HECTD2: variants seen among roughly 807,000 people sequenced by gnomAD.
The protein encoded by HECTD2 is probable E3 ubiquitin-protein ligase HECTD2.
A neutral mutation model predicts 103.2 loss-of-function variants in HECTD2; 35 were observed. The ratio of observed to expected loss-of-function variants is 0.34; its 90% CI spans 0.26 to 0.45. The LOEUF (loss-of-function observed/expected upper bound fraction) is 0.45, where lower values mean the gene tolerates loss of function less well. Ranked by LOEUF, HECTD2 falls within the 20% of genes least tolerant of loss-of-function variation. The pLI is 1.00. For missense variants in HECTD2, 596 were observed against 937.4 expected (o/e 0.64, Z 4.76); for synonymous variants, 281 against 329.9 (o/e 0.85, Z 1.61).
intron 1 of HECTD2, among the ~76,000 whole-genome samples, chr10:91,412,270 G>A (rs1040238682): frequency 1.6e-4 from 24 of 152,282 alleles, no homozygotes; most frequent in Non-Finnish European, 7.4e-5. Context: ...CACCAAATGA[G>A]TTGCAAAGAC....
At chr10:91,431,283 C>A (rs1350161659) in intron 2 of HECTD2, among the ~76,000 whole-genome samples, 1 of 151,792 alleles carries the variant, frequency 6.6e-6, no homozygotes, top group East Asian at 1.9e-4. Context: ...TTGTGGGTAA[C>A]CCAACCTTTC....
intron 5 of HECTD2, chr10:91,462,615 T>G: frequency 3.9e-6 from 4 of 1,028,526 alleles, no homozygotes; most frequent in Non-Finnish European, 4.7e-6. Flanking sequence ...GTTCCCAGGA[T>G]ATGTTGATTT....
chr10:91,418,282 T>G (rs902726210), intron 1 of HECTD2, among the ~76,000 whole-genome samples: 1 of 152,232 alleles, frequency 6.6e-6, no homozygotes, highest in African/African-American at 2.4e-5. Context: ...CCATAATGTA[T>G]TCATGTATTT....
intron 2 of HECTD2, among the ~76,000 whole-genome samples, chr10:91,451,994 ACAAT>A (rs1295738986): frequency 6.6e-6 from 1 of 152,174 alleles, no homozygotes; most frequent in Non-Finnish European, 1.5e-5. Context: ...AGAAAATACA[ACAAT>A]CAAAGTAAAA....
Position 91,469,418 on chromosome 10 carries a change from C to A in HECTD2, c.600+7234C>A, listed in dbSNP as rs115605753. 9.1e-3 allele frequency among the ~76,000 whole-genome samples: 1,382 copies of A among 152,306 alleles called. 24 individuals carry two copies. The highest frequency in any genetic ancestry group is 0.032 in the African/African-American group (1,327 of 41,562). On this transcript the variant is annotated intron_variant, in intron 5 of 20. Coordinates refer to ENST00000298068, the MANE Select transcript of HECTD2 (RefSeq NM_182765.6). ...AACAGCAGACCTTTGAGCAGAAACC[C>A]TTCAAGACAGAAGAGATTGGGAGCC...
chr10:91,440,538 C>CT (rs1438602463), intron 2 of HECTD2, among the ~76,000 whole-genome samples: 4 of 149,896 alleles, frequency 2.7e-5, no homozygotes, highest in East Asian at 3.9e-4. Flanking sequence ...CTGAAATTTT[C>CT]TTTTTTTGTT....
intron 20 of HECTD2, among the ~76,000 whole-genome samples, chr10:91,505,620 A>C (rs1439203584): frequency 2.7e-5 from 4 of 150,568 alleles, no homozygotes; most frequent in Non-Finnish European, 4.5e-5. Flanking sequence ...CAGATTCATA[A>C]AGCAAGTCCT....
intron 1 of HECTD2, among the ~76,000 whole-genome samples, chr10:91,415,025 C>T (rs1232131883): frequency 6.6e-6 from 1 of 152,130 alleles, no homozygotes; most frequent in African/African-American, 2.4e-5. Context: ...ATGCCTGAGG[C>T]AATGAGTGCA....
intron 20 of HECTD2, among the ~76,000 whole-genome samples, chr10:91,501,753 C>T (rs1846908519): frequency 6.6e-6 from 1 of 150,580 alleles, no homozygotes; most frequent in Non-Finnish European, 1.5e-5. Context: ...TAATTATTAC[C>T]AGAAGTACCT....
At chr10:91,435,257 T>C (rs1472139290) in intron 2 of HECTD2, among the ~76,000 whole-genome samples, 1 of 151,888 alleles carries the variant, frequency 6.6e-6, no homozygotes, top group Non-Finnish European at 1.5e-5. Flanking sequence ...GAATGAGTCC[T>C]GAGAAGCAAA....
intron 1 of HECTD2, among the ~76,000 whole-genome samples, chr10:91,419,859 GTT>G (rs1843280221): frequency 6.6e-6 from 1 of 152,112 alleles, no homozygotes; most frequent in Non-Finnish European, 1.5e-5. Flanking sequence ...CATCTTTAGT[GTT>G]CTCCTGTAGG....
chr10:91,425,513 C>A, intron 2 of HECTD2, 103 bp downstream of exon 2: 4 of 804,372 alleles, frequency 5.0e-6, no homozygotes, highest in South Asian at 4.6e-5. Flanking sequence ...CTAGTTAATA[C>A]AACAAAAAGA....
chr10:91,440,505 C>G (rs1844367351), intron 2 of HECTD2, among the ~76,000 whole-genome samples: 1 of 151,462 alleles, frequency 6.6e-6, no homozygotes, highest in African/African-American at 2.4e-5. Context: ...ATTTTCATAT[C>G]CATGTTCATC....
chr10:91,426,859 T>A (rs917201978), intron 2 of HECTD2, among the ~76,000 whole-genome samples: 2 of 151,876 alleles, frequency 1.3e-5, no homozygotes, highest in African/African-American at 4.8e-5. Context: ...TATTTTTTTT[T>A]ATTATTATAC....
At chr10:91,479,371 CAAA>C (rs929339569) in intron 6 of HECTD2, among the ~76,000 whole-genome samples, 2 of 151,184 alleles carry the variant, frequency 1.3e-5, no homozygotes, top group East Asian at 3.9e-4. Context: ...GAGACTGTCT[CAAA>C]AAAAAGAAGA....
At chr10:91,492,002 AC>A (rs955578533) in intron 12 of HECTD2, among the ~76,000 whole-genome samples, 34 of 151,934 alleles carry the variant, frequency 2.2e-4, no homozygotes, top group African/African-American at 8.2e-4. Context: ...ATGCTACCAC[AC>A]CCAGCCCTAG....
At position 91,501,227 on chromosome 10, in the gene HECTD2, T is replaced by A; in HGVS notation, c.2103T>A (p.Asp701Glu). ...FWDVVLGFPL[D>E]LQKKLLHFTT... is the part of the protein sequence containing the mutation. ...ATGTTGTGCTTGGATTTCCTCTTGA[T>A]CTTCAAAAGAAGTTGCTACATTTTA... Residue 701 changes from aspartate to glutamate, a missense_variant, in exon 20 of 21, where the codon GAT (aspartate) becomes GAA (glutamate). Coordinates refer to ENST00000298068, the MANE Select transcript of HECTD2 (RefSeq NM_182765.6). 2.5e-6 allele frequency: 4 copies of A among 1,610,870 alleles called. No individual in the cohort carries two copies. Among genetic ancestry groups the A allele is most frequent in the Non-Finnish European group, 3.4e-6 (4 of 1,178,068 alleles).
chr10:91,509,506 C>T (rs998107587), intron 20 of HECTD2, among the ~76,000 whole-genome samples: 1 of 151,922 alleles, frequency 6.6e-6, no homozygotes, highest in African/African-American at 2.4e-5. Context: ...CACATGCATG[C>T]ATATGTTCAT....
At chr10:91,432,651 A>C (rs1323848533) in intron 2 of HECTD2, among the ~76,000 whole-genome samples, 1 of 144,800 alleles carries the variant, frequency 6.9e-6, no homozygotes. Context: ...GAAATGAAGC[A>C]ATTCTTCCCC....
Sources: gnomAD v4.1 joint callset for allele counts (sites outside exome capture counted in the v4.1 genomes callset) on GRCh38, gnomAD v4.1.1 for gene constraint, MANE v1.5 for transcripts, NCBI Gene and HGNC (gene_info 2026-07-23, HGNC 2026-07-21) for gene names.